The following MAP2K1 variants were observed in gnomAD, a reference collection of about 807,000 sequenced individuals.
MAP2K1 encodes the protein mitogen-activated protein kinase kinase 1.
In MAP2K1, 16 loss-of-function variants were observed where a neutral mutation model predicts 46.3. The ratio of observed to expected loss-of-function variants is 0.35; its 90% CI spans 0.23 to 0.52. The LOEUF (loss-of-function observed/expected upper bound fraction) is 0.52. Among genes scored for constraint, MAP2K1 ranks in the 20% least tolerant of loss-of-function variants. The pLI is 0.94. For missense variants in MAP2K1, 263 were observed against 497.1 expected (o/e 0.53, Z 4.48); for synonymous variants, 183 against 185.6 (o/e 0.99, Z 0.11).
Position 66,436,733 on chromosome 15 carries a change from C to T in MAP2K1, c.292-13C>T, listed in dbSNP as rs2093489052. ...TCTTTCATAAAACCTCTCTTTCTTC[C>T]ACCTTTCTCCAGCTAATTCATCTGG... On this transcript the variant is annotated splice_polypyrimidine_tract_variant and intron_variant, in intron 2 of 10. Transcript: ENST00000307102. The T allele has an allele frequency of 6.2e-7, 1 of 1,613,676 alleles. No homozygotes were observed. The highest frequency in any genetic ancestry group is 8.5e-7 in the Non-Finnish European group (1 of 1,179,642).
chr15:66,393,576 T>C (rs1410459527), intron 1 of MAP2K1, among the ~76,000 whole-genome samples: 2 of 152,222 alleles, frequency 1.3e-5, no homozygotes, highest in Admixed American at 6.5e-5. Context: ...GCAAGTCCTT[T>C]CTACTTTCTG....
intron 1 of MAP2K1, among the ~76,000 whole-genome samples, chr15:66,411,587 T>C (rs776345215): frequency 3.9e-5 from 6 of 152,210 alleles, no homozygotes; most frequent in Non-Finnish European, 7.3e-5. Flanking sequence ...GTTTTGCTAT[T>C]GTCTTTTCCC....
At chr15:66,487,108 G>A in intron 7 of MAP2K1, 120 bp from the exon 8 acceptor site, 1 of 807,726 alleles carries the variant, frequency 1.2e-6, no homozygotes, top group Non-Finnish European at 2.1e-6. Context: ...ATCTGTGGCT[G>A]TTTAATGTTT....
At chr15:66,399,831 G>C (rs756168257) in intron 1 of MAP2K1, among the ~76,000 whole-genome samples, 1 of 151,980 alleles carries the variant, frequency 6.6e-6, no homozygotes, top group Non-Finnish European at 1.5e-5. Context: ...TCTTGACCTC[G>C]TGATCCGCCC....
intron 5 of MAP2K1, among the ~76,000 whole-genome samples, chr15:66,467,230 G>C (rs577615816): frequency 6.4e-4 from 98 of 152,044 alleles, no homozygotes; most frequent in Non-Finnish European, 1.2e-3. Flanking sequence ...GCGAAACTCC[G>C]TCTCAAAAAG....
chr15:66,393,327 G>A (rs1219113982), intron 1 of MAP2K1, among the ~76,000 whole-genome samples: 1 of 151,952 alleles, frequency 6.6e-6, no homozygotes, highest in East Asian at 1.9e-4. Flanking sequence ...ACAGGTGCCT[G>A]ACACCATGCC....
intron 5 of MAP2K1, among the ~76,000 whole-genome samples, 182 bp from the exon 6 acceptor site, chr15:66,481,573 C>T (rs1254886278): frequency 6.6e-6 from 1 of 152,178 alleles, no homozygotes; most frequent in East Asian, 1.9e-4. Context: ...ACAGTTGCTT[C>T]TTGAACTCAG....
chr15:66,443,587 C>CAG lies in MAP2K1; in HGVS notation c.516+230_516+231insAG, dbSNP rs72531931. Among the ~76,000 whole-genome samples, 149,249 of 152,258 alleles carry CAG rather than the reference C, an allele frequency of 0.98. 73,221 individuals are homozygous for CAG. The highest frequency in any genetic ancestry group is 1 in the East Asian group (5,180 of 5,180). On this transcript the variant is annotated intron_variant, in intron 4 of 10. Coordinates refer to ENST00000307102, the MANE Select transcript of MAP2K1 (RefSeq NM_002755.4). ...ATTAAAATCTGTGTGTCTTGAAAAACGGGCCAGGCACAGTGGCTCGCACCT... is the reference window on the plus strand; with the variant it reads ...ATTAAAATCTGTGTGTCTTGAAAAACAGGGGCCAGGCACAGTGGCTCGCACCT...
At chr15:66,476,053 T>G (rs2140657571) in intron 5 of MAP2K1, among the ~76,000 whole-genome samples, 1 of 152,332 alleles carries the variant, frequency 6.6e-6, no homozygotes, top group East Asian at 1.9e-4. Context: ...AGAACATACT[T>G]TCTGAGTTTT....
chr15:66,408,569 C>T (rs958881482), intron 1 of MAP2K1, among the ~76,000 whole-genome samples: 6 of 151,320 alleles, frequency 4.0e-5, no homozygotes, highest in African/African-American at 1.2e-4. Flanking sequence ...TTGTGTTGGG[C>T]GGGGGTCAAG....
At chr15:66,446,677 CG>C in intron 5 of MAP2K1, 1 of 397,902 alleles carries the variant, frequency 2.5e-6, no homozygotes, top group Non-Finnish European at 5.4e-6. Context: ...TGTTTCATCT[CG>C]GGCATAAACA....
intron 5 of MAP2K1, among the ~76,000 whole-genome samples, chr15:66,465,207 C>A (rs1432729212): frequency 2.0e-5 from 3 of 152,054 alleles, no homozygotes; most frequent in Non-Finnish European, 4.4e-5. Flanking sequence ...AAGTCGCAGA[C>A]AAAACCCCTC....
chr15:66,472,519 C>T (rs1323029093), intron 5 of MAP2K1, among the ~76,000 whole-genome samples: 1 of 152,088 alleles, frequency 6.6e-6, no homozygotes, highest in African/African-American at 2.4e-5. Flanking sequence ...CCTATGAGAT[C>T]ACCGTGGCCA....
At chr15:66,459,764 T>C (rs1250716319) in intron 5 of MAP2K1, among the ~76,000 whole-genome samples, 1 of 152,230 alleles carries the variant, frequency 6.6e-6, no homozygotes, top group African/African-American at 2.4e-5. Flanking sequence ...TTCCTCTCCA[T>C]TCAGACTTGT....
intron 1 of MAP2K1, among the ~76,000 whole-genome samples, chr15:66,402,114 T>C (rs2093383256): frequency 6.6e-6 from 1 of 152,230 alleles, no homozygotes; most frequent in African/African-American, 2.4e-5. Flanking sequence ...TTGTGTGTAA[T>C]GTATTAAGAA....
chr15:66,406,557 T>G (rs1475775025), intron 1 of MAP2K1, among the ~76,000 whole-genome samples: 2 of 152,180 alleles, frequency 1.3e-5, no homozygotes, highest in Non-Finnish European at 2.9e-5. Flanking sequence ...TTAGAAAAGT[T>G]GTCTATCAAA....
chr15:66,463,239 G>A (rs1309343090), intron 5 of MAP2K1, among the ~76,000 whole-genome samples: 1 of 152,222 alleles, frequency 6.6e-6, no homozygotes, highest in Non-Finnish European at 1.5e-5. Context: ...TGGAAGGACA[G>A]TAGGATATAC....
rs1893003594 is a variant in MAP2K1 at position 66,485,005 on chromosome 15, G to A, written c.709G>A (p.Gly237Arg). 6.2e-7 allele frequency: 1 copy of A among 1,613,192 alleles called. No homozygotes were observed. Among genetic ancestry groups the A allele is most frequent in the Non-Finnish European group, 8.5e-7 (1 of 1,179,980 alleles). ...RSYMSPERLQGTHYSVQSDIW... is the reference protein window; with the variant it reads ...RSYMSPERLQRTHYSVQSDIW... ...TCTCCTGCAGCCAGAAAGACTCCAG[G>A]GGACTCATTACTCTGTGCAGTCAGA... The change falls in exon 7 of 11, where the codon GGG becomes AGG. Residue 237 changes from glycine (G) to arginine (R), a missense_variant. Coordinates refer to ENST00000307102, the MANE Select transcript of MAP2K1 (RefSeq NM_002755.4).
At chr15:66,395,288 T>C (rs1179372893) in intron 1 of MAP2K1, among the ~76,000 whole-genome samples, 1 of 152,232 alleles carries the variant, frequency 6.6e-6, no homozygotes, top group Non-Finnish European at 1.5e-5. Context: ...CAATATATTG[T>C]AATGACAGTT....
Sources: gnomAD v4.1 joint callset for allele counts (sites outside exome capture counted in the v4.1 genomes callset) on GRCh38, gnomAD v4.1.1 for gene constraint, MANE v1.5 for transcripts, NCBI Gene and HGNC (gene_info 2026-07-23, HGNC 2026-07-21) for gene names.